SMC5: variants seen among roughly 807,000 people sequenced by gnomAD.
SMC5 encodes structural maintenance of chromosomes protein 5.
In SMC5, 88 loss-of-function variants were observed where a neutral mutation model predicts 148.3. The observed-to-expected ratio is 0.59, with a 90% CI of 0.50 to 0.71. The LOEUF (loss-of-function observed/expected upper bound fraction) is 0.71, where lower values mean the gene tolerates loss of function less well. Ranked by LOEUF, SMC5 falls within the 30% of genes least tolerant of loss-of-function variation. The pLI, the probability that SMC5 is intolerant of heterozygous loss-of-function variation, is 0.00. For missense variants in SMC5, 1,142 were observed against 1,298.9 expected (o/e 0.88, Z 1.86); for synonymous variants, 421 against 432.8 (o/e 0.97, Z 0.34).
intron 8 of SMC5, among the ~76,000 whole-genome samples, chr9:70,287,847 T>C (rs2034952625): frequency 6.6e-6 from 1 of 152,312 alleles, no homozygotes; most frequent in East Asian, 1.9e-4. Flanking sequence ...TTGTTTGTTT[T>C]TATTTTTTAG....
Position 70,264,316 on chromosome 9 carries a change from T to G in SMC5, c.198T>G (p.Ile66Met), listed in dbSNP as rs2034215549. The G allele has an allele frequency of 6.2e-7, 1 of 1,613,136 alleles. No individual in the cohort carries two copies. The highest frequency in any genetic ancestry group is 1.3e-5 in the African/African-American group (1 of 74,896). The change falls in exon 2 of 25, where the codon ATT becomes ATG. Residue 66 changes from isoleucine to methionine, a missense_variant. This residue lies in a region of SMC5 where 297 missense variants were observed against 302.6 expected (regional missense o/e 0.98). Transcript: ENST00000361138. ...CTTTATAATTCAGAACATATGATAT[T>G]TGTGAAGTATCTCCTGGACCCCACT... is the stretch of plus-strand genomic sequence containing the variant. ...ISMENFLTYD[I>M]CEVSPGPHLN...
chr9:70,326,855 G>A (rs1171629499), intron 17 of SMC5, among the ~76,000 whole-genome samples: 1 of 150,688 alleles, frequency 6.6e-6, no homozygotes, highest in Non-Finnish European at 1.5e-5. Context: ...ATGATTCTAA[G>A]GGCAAAAAAA....
At chr9:70,350,077 G>T in intron 22 of SMC5, 37 bp from the exon 23 acceptor site, 1 of 1,457,312 alleles carries the variant, frequency 6.9e-7, no homozygotes, top group South Asian at 1.3e-5. Context: ...ATTACCAGAG[G>T]AAACTCATTT....
intron 11 of SMC5, chr9:70,311,316 GGGAGAGTGACT>G (rs1175490540): frequency 6.6e-6 from 1 of 152,174 alleles, no homozygotes; most frequent in Non-Finnish European, 1.5e-5. Flanking sequence ...CCCAAGGAGA[GGGAGAGTGACT>G]GGAGAACAGA....
intron 7 of SMC5, 122 bp from the exon 8 acceptor site, chr9:70,286,077 AT>A: frequency 3.0e-6 from 2 of 674,364 alleles, no homozygotes. Flanking sequence ...GTTGATAATT[AT>A]GGATTTTGCT....
At chr9:70,283,476 A>G (rs1362759877) in intron 7 of SMC5, among the ~76,000 whole-genome samples, 3 of 152,178 alleles carry the variant, frequency 2.0e-5, no homozygotes, top group Non-Finnish European at 2.9e-5. Context: ...CAAAAAATGT[A>G]TATAATAATA....
chr9:70,285,829 A>AT (rs1752957604), intron 7 of SMC5, among the ~76,000 whole-genome samples: 1 of 152,200 alleles, frequency 6.6e-6, no homozygotes, highest in African/African-American at 2.4e-5. Flanking sequence ...ATCAGACCTG[A>AT]TTTTTTATAA....
chr9:70,332,210 A>G (rs2036235399), intron 17 of SMC5, among the ~76,000 whole-genome samples: 1 of 152,288 alleles, frequency 6.6e-6, no homozygotes, highest in South Asian at 2.1e-4. Context: ...TTCACTGGTT[A>G]ATTCTACCAA....
chr9:70,354,137 G>A lies in SMC5; in HGVS notation c.*1806G>A, dbSNP rs1412588646. On this transcript the variant is annotated 3_prime_UTR_variant, in exon 25 of 25. Transcript: ENST00000361138. Reference sequence around the variant, plus strand: ...TTTACATTGAATTTTGAGCTGTGAAGAATAAATTATGTATCATTTTAGCAT... The same window carrying A: ...TTTACATTGAATTTTGAGCTGTGAAAAATAAATTATGTATCATTTTAGCAT... 1 of 152,176 alleles carries A rather than the reference G, an allele frequency of 6.6e-6. No homozygotes were observed. Among genetic ancestry groups the A allele is most frequent in the African/African-American group, 2.4e-5 (1 of 41,442 alleles). 9.4% of individuals were successfully genotyped at this position (152,176 alleles called of 1,614,324 possible). A position where few individuals can be genotyped will look rare whatever the true frequency, so the allele number is the denominator to read the frequency against.
intron 11 of SMC5, among the ~76,000 whole-genome samples, chr9:70,309,744 C>T (rs2035611153): frequency 1.3e-5 from 2 of 152,192 alleles, no homozygotes. Context: ...AGTCGAACCT[C>T]TCAAAGTCTT....
At chr9:70,294,328 A>G (rs2035140247) in intron 8 of SMC5, among the ~76,000 whole-genome samples, 1 of 152,228 alleles carries the variant, frequency 6.6e-6, no homozygotes, top group South Asian at 2.1e-4. Context: ...TTTTGTGGCC[A>G]TAGATTTAAA....
In SMC5 at chr9:70,315,537, G is replaced by C; in HGVS notation, c.1765G>C (p.Val589Leu). ...TTGCTGTCAGTATCATATTCATGAA[G>C]TTCCTGTAGGAACTGAAAAGACCAG... ...YLCCQYHIHE[V>L]PVGTEKTRER... The change falls in exon 13 of 25, where the codon GTT (valine) becomes CTT (leucine). Residue 589 changes from valine (V) to leucine (L), a missense_variant. Val to Leu is a conservative substitution (Grantham distance 32, BLOSUM62 1). This residue lies in a region of SMC5 where 743 missense variants were observed against 835.7 expected (regional missense o/e 0.89). Transcript: ENST00000361138. 2 of 1,594,686 alleles carry C rather than the reference G, an allele frequency of 1.3e-6. No homozygotes were observed. Among genetic ancestry groups the C allele is most frequent in the Non-Finnish European group, 1.7e-6 (2 of 1,168,774 alleles).
intron 17 of SMC5, 61 bp downstream of exon 17, chr9:70,324,204 T>C (rs1006036482): frequency 4.6e-6 from 7 of 1,507,776 alleles, no homozygotes; most frequent in African/African-American, 4.3e-5. Flanking sequence ...TTTGAAAATA[T>C]ATATCGTGTC....
chr9:70,347,594 T>G lies in SMC5; in HGVS notation c.2665-19T>G, dbSNP rs199625766. ...CTTTGGTAGATTTATCTTAAAGAAG[T>G]TTTTTTTTCCCCTGCCAGATTGTTC... is the stretch of plus-strand genomic sequence containing the variant. On this transcript the variant is annotated intron_variant, in intron 20 of 24. Coordinates refer to ENST00000361138, the MANE Select transcript of SMC5 (RefSeq NM_015110.4). 7.5e-7 allele frequency: 1 copy of G among 1,331,980 alleles called. No individual in the cohort carries two copies. The highest frequency in any genetic ancestry group is 2.4e-5 in the East Asian group (1 of 41,556). The allele number at this position is 1,331,980 out of a possible 1,614,324, so 82.5% of individuals were successfully genotyped here.
chr9:70,280,824 AG>A lies in SMC5; in HGVS notation c.745del (p.Asp249MetfsTer12). On this transcript the variant is annotated frameshift_variant, in exon 6 of 25. Coordinates refer to ENST00000361138, the MANE Select transcript of SMC5 (RefSeq NM_015110.4). LOFTEE classifies it high-confidence loss of function. ...TTCAGAGGAATGAAAGATATAAACAAGATGTGGAGAGGTTCTATGAACGGAA... is the reference window on the plus strand; with the variant it reads ...TTCAGAGGAATGAAAGATATAAACAAATGTGGAGAGGTTCTATGAACGGAA... Reference protein sequence around the residue: ...MVQRNERYKQDVERFYERKRH... With the variant: ...MVQRNERYKQXVERFYERKRH... The A allele has an allele frequency of 6.2e-7, 1 of 1,613,936 alleles. No individual in the cohort carries two copies. The highest frequency in any genetic ancestry group is 8.5e-7 in the Non-Finnish European group (1 of 1,179,918).
intron 1 of SMC5, 82 bp from the exon 2 acceptor site, chr9:70,264,222 T>A: frequency 7.9e-7 from 1 of 1,259,476 alleles, no homozygotes; most frequent in Non-Finnish European, 1.1e-6. Flanking sequence ...TTAAAGGAAT[T>A]TGAGGAAGCT....
chr9:70,260,389 G>T (rs1172492089), intron 1 of SMC5, among the ~76,000 whole-genome samples: 1 of 152,158 alleles, frequency 6.6e-6, no homozygotes, highest in Non-Finnish European at 1.5e-5. Flanking sequence ...TTACAGGCGT[G>T]AGCCACCATG....
chr9:70,347,010 T>C, intron 19 of SMC5, 56 bp from the exon 20 acceptor site: 1 of 1,291,208 alleles, frequency 7.7e-7, no homozygotes. Flanking sequence ...TTCTTTTAAC[T>C]ATTTGAATGG....
At chr9:70,271,357 C>T (rs949921986) in intron 3 of SMC5, among the ~76,000 whole-genome samples, 8 of 152,120 alleles carry the variant, frequency 5.3e-5, no homozygotes, top group Non-Finnish European at 8.8e-5. Flanking sequence ...ACTTTTTCCA[C>T]GAAGGTTCAC....
Sources: allele counts gnomAD v4.1 joint callset (sites outside exome capture counted in the v4.1 genomes callset), GRCh38; gene constraint gnomAD v4.1.1; regional missense constraint gnomAD v4.1.1; transcripts MANE v1.5; gene names NCBI Gene and HGNC (gene_info 2026-07-23, HGNC 2026-07-21).